Variants in PTPRD observed in about 807,000 individuals in gnomAD.
PTPRD encodes the protein receptor-type tyrosine-protein phosphatase delta.
Under a neutral mutation model 214.5 loss-of-function variants are expected in PTPRD, and 34 were observed. The ratio of observed to expected loss-of-function variants is 0.16; its 90% CI spans 0.12 to 0.21. The LOEUF is 0.21. Among genes scored for constraint, PTPRD ranks in the 10% least tolerant of loss-of-function variants. The pLI is 1.00. For synonymous variants in PTPRD, 1,128 were observed against 845.7 expected, an observed-to-expected ratio of 1.33 and a Z score of -5.79; for missense variants, 2,545 against 2,398.7, an observed-to-expected ratio of 1.06 and a Z score of -1.27.
intron 11 of PTPRD, among the ~76,000 whole-genome samples, chr9:8,758,213 A>T (rs977307843): frequency 2.0e-5 from 3 of 152,200 alleles, no homozygotes; most frequent in Non-Finnish European, 4.4e-5. Flanking sequence ...GCCTTTCTCA[A>T]CTGCGGTTCC....
chr9:9,411,284 T>G (rs1262564079), intron 8 of PTPRD, among the ~76,000 whole-genome samples: 2 of 123,888 alleles, frequency 1.6e-5, no homozygotes, highest in Non-Finnish European at 3.4e-5. Flanking sequence ...TTACGATAAT[T>G]AAGGCAAGGG....
chr9:9,455,027 C>T (rs978034981), intron 8 of PTPRD, among the ~76,000 whole-genome samples: 5 of 151,520 alleles, frequency 3.3e-5, no homozygotes, highest in Admixed American at 6.6e-5. Context: ...CCAAGTATTG[C>T]GTTTTATCTA....
intron 3 of PTPRD, among the ~76,000 whole-genome samples, chr9:10,044,172 T>C (rs2097348129): frequency 6.6e-6 from 1 of 151,006 alleles, no homozygotes; most frequent in African/African-American, 2.4e-5. Flanking sequence ...GTAGAATGGA[T>C]ATTCTCCCTA....
chr9:10,529,989 G>T (rs2055685079), intron 2 of PTPRD, among the ~76,000 whole-genome samples: 2 of 146,566 alleles, frequency 1.4e-5, no homozygotes, highest in African/African-American at 5.1e-5. Flanking sequence ...GGTTGTTAGG[G>T]GCAGAAAACC....
intron 7 of PTPRD, among the ~76,000 whole-genome samples, chr9:9,607,334 T>C (rs921802247): frequency 6.6e-6 from 1 of 152,182 alleles, no homozygotes; most frequent in Non-Finnish European, 1.5e-5. Context: ...AGAAAAATCA[T>C]AACAGTTTAA....
At chr9:10,587,092 T>C (rs538755285) in intron 2 of PTPRD, among the ~76,000 whole-genome samples, 1 of 152,204 alleles carries the variant, frequency 6.6e-6, no homozygotes, top group South Asian at 2.1e-4. Flanking sequence ...ACATGAGGTG[T>C]TATTACATGG....
At chr9:9,422,810 A>C (rs571683274) in intron 8 of PTPRD, among the ~76,000 whole-genome samples, 1 of 152,262 alleles carries the variant, frequency 6.6e-6, no homozygotes, top group Non-Finnish European at 1.5e-5. Context: ...TTTCCTTGAG[A>C]CCTTTGCAGT....
chr9:9,482,211 T>C (rs1186820659), intron 8 of PTPRD, among the ~76,000 whole-genome samples: 1 of 151,940 alleles, frequency 6.6e-6, no homozygotes, highest in Non-Finnish European at 1.5e-5. Flanking sequence ...TTTAATAAGA[T>C]CTCCTCTTTA....
intron 10 of PTPRD, among the ~76,000 whole-genome samples, chr9:9,171,756 T>G (rs1472261103): frequency 2.0e-5 from 3 of 152,198 alleles, no homozygotes; most frequent in East Asian, 3.9e-4. Context: ...GAAAAATCCT[T>G]AGCAGAAGCA....
chr9:10,210,819 AT>A (rs2099513320), intron 3 of PTPRD, among the ~76,000 whole-genome samples: 1 of 70,182 alleles, frequency 1.4e-5, no homozygotes, highest in Non-Finnish European at 2.5e-5. Flanking sequence ...ATATATATAT[AT>A]ATGTATGTAT....
In PTPRD at chr9:10,541,853, T is replaced by G. The variant is rs186403778; in HGVS notation, c.-600+70545A>C. Among the ~76,000 whole-genome samples, 727 of 152,134 alleles carry G rather than the reference T, an allele frequency of 4.8e-3. 6 individuals are homozygous for G. Among genetic ancestry groups the G allele is most frequent in the South Asian group, 0.02 (96 of 4,822 alleles). The stretch of plus-strand genomic sequence containing the variant: ...TAAATATATTTAATAACAAATGAGA[T>G]TTTTACCAATAAAAGTGTAAGACAG... On this transcript the variant is annotated intron_variant, in intron 2 of 45. Coordinates refer to ENST00000381196, the MANE Select transcript of PTPRD (RefSeq NM_002839.4).
chr9:9,215,287 G>C (rs1219117427), intron 9 of PTPRD, among the ~76,000 whole-genome samples: 1 of 152,102 alleles, frequency 6.6e-6, no homozygotes, highest in Admixed American at 6.6e-5. Context: ...CAATGGAGCA[G>C]TTACATACTT....
chr9:9,688,033 C>A (rs2097196366), intron 7 of PTPRD, among the ~76,000 whole-genome samples: 1 of 151,788 alleles, frequency 6.6e-6, no homozygotes, highest in African/African-American at 2.4e-5. Context: ...TTCCCCTGCA[C>A]TCTCTTTCCT....
intron 12 of PTPRD, among the ~76,000 whole-genome samples, chr9:8,637,231 C>A (rs1262989688): frequency 1.3e-5 from 2 of 152,144 alleles, no homozygotes; most frequent in African/African-American, 2.4e-5. Flanking sequence ...ATGCCACTAT[C>A]AGGACACTGC....
At chr9:10,237,577 A>C (rs2099633203) in intron 3 of PTPRD, among the ~76,000 whole-genome samples, 1 of 151,984 alleles carries the variant, frequency 6.6e-6, no homozygotes, top group Admixed American at 6.6e-5. Flanking sequence ...AAGACACATG[A>C]CATGAACAAA....
chr9:9,277,546 T>C (rs1197983525), intron 9 of PTPRD, among the ~76,000 whole-genome samples: 1 of 151,318 alleles, frequency 6.6e-6, no homozygotes, highest in Non-Finnish European at 1.5e-5. Context: ...TACAGAAGGA[T>C]CTCTTACCCA....
chr9:8,648,363 T>A (rs1480552090), intron 12 of PTPRD, among the ~76,000 whole-genome samples: 1 of 152,180 alleles, frequency 6.6e-6, no homozygotes. Flanking sequence ...AGGCTGGCCA[T>A]TCTGTTTTGG....
At chr9:8,419,924 A>T (rs1347152339) in intron 35 of PTPRD, among the ~76,000 whole-genome samples, 1 of 152,120 alleles carries the variant, frequency 6.6e-6, no homozygotes, top group Non-Finnish European at 1.5e-5. Flanking sequence ...AAATTAGGAA[A>T]TACTTTGAAA....
At chr9:9,773,021 A>T (rs776675129) in intron 5 of PTPRD, among the ~76,000 whole-genome samples, 20 of 152,214 alleles carry the variant, frequency 1.3e-4, no homozygotes, top group Non-Finnish European at 2.6e-4. Flanking sequence ...TAGTATTCCC[A>T]TAGCACATAG....
Sources: gnomAD v4.1 joint callset for allele counts (sites outside exome capture counted in the v4.1 genomes callset) on GRCh38, gnomAD v4.1.1 for gene constraint, MANE v1.5 for transcripts, NCBI Gene and HGNC (gene_info 2026-07-23, HGNC 2026-07-21) for gene names.